Variants in PAK3 observed in about 807,000 individuals in gnomAD.
PAK3 encodes the protein p21 (RAC1) activated kinase 3.
PAK3 carries 4 observed loss-of-function variants against 41.0 expected under a neutral mutation model. That is an observed-to-expected ratio of 0.10 (90% CI 0.05 to 0.22). PAK3 has a LOEUF of 0.22. Among genes scored for constraint, PAK3 ranks in the 10% least tolerant of loss-of-function variants. PAK3 has a pLI of 1.00. For missense variants in PAK3, 205 were observed against 409.9 expected (o/e 0.50, Z 4.32); for synonymous variants, 146 against 139.6 (o/e 1.05, Z -0.32).
At chrX:111,004,535 G>A (rs958907616) in intron 1 of PAK3, among the ~76,000 whole-genome samples, 4 of 112,552 alleles carry the variant, frequency 3.6e-5, no homozygotes, top group African/African-American at 1.3e-4. Flanking sequence ...ACAATCCTTT[G>A]TTAGCTCGAG....
intron 1 of PAK3, among the ~76,000 whole-genome samples, chrX:111,002,998 C>T (rs1371490940): frequency 1.8e-5 from 2 of 111,930 alleles, no homozygotes; most frequent in African/African-American, 6.5e-5. Flanking sequence ...GGCTGGGGCC[C>T]TACAATGTGT....
At chrX:111,124,637 G>A (rs2093622946) in intron 5 of PAK3, among the ~76,000 whole-genome samples, 1 of 111,942 alleles carries the variant, frequency 8.9e-6, no homozygotes, top group Non-Finnish European at 1.9e-5. Context: ...GCCCACTGAT[G>A]CTGAGGTCAA....
In PAK3 at chrX:111,227,094, A is replaced by C. The variant is rs2094956914; in HGVS notation, c.*6647A>C. 8.9e-6 allele frequency: 1 copy of C among 112,434 alleles called. No homozygotes were observed. The highest frequency in any genetic ancestry group is 1.9e-5 in the Non-Finnish European group (1 of 53,325). The allele number at this position is 112,434 out of a possible 1,213,427, so 9.3% of individuals were successfully genotyped here. ...TAGTGAAATTCTTCTGTAACTTTGGATTAAAGGTATTTATGGTCTTTTTGT... is the reference window on the plus strand; with the variant it reads ...TAGTGAAATTCTTCTGTAACTTTGGCTTAAAGGTATTTATGGTCTTTTTGT... On this transcript the variant is annotated 3_prime_UTR_variant, in exon 18 of 18. Transcript: ENST00000372007.
intron 1 of PAK3, among the ~76,000 whole-genome samples, chrX:110,973,721 C>T (rs1397958451): frequency 8.9e-6 from 1 of 111,929 alleles, no homozygotes; most frequent in Non-Finnish European, 1.9e-5. Context: ...CCAATATTAA[C>T]CTTAAATGTA....
chrX:111,059,643 A>T lies in PAK3; in HGVS notation c.-27-63434A>T, dbSNP rs895168979. Among the ~76,000 whole-genome samples the T allele has an allele frequency of 4.5e-5, 5 of 111,569 alleles. No homozygotes were observed. In the Admixed American group the frequency reaches 4.8e-4, roughly 11 times the overall value. ...ACGTTTTATTGTTTTTTTTGTGTAC[A>T]ACTCTTGCACTCCTTTGCTTAAAGT... On this transcript the variant is annotated intron_variant, in intron 1 of 14. Transcript: ENST00000425146.
chrX:111,195,024 A>G (rs1250324398), intron 14 of PAK3, among the ~76,000 whole-genome samples: 2 of 111,843 alleles, frequency 1.8e-5, no homozygotes, highest in Non-Finnish European at 3.8e-5. Flanking sequence ...AAACACACAC[A>G]CTTTTTTACT....
intron 1 of PAK3, among the ~76,000 whole-genome samples, chrX:110,999,053 G>T (rs1285148261): frequency 3.6e-5 from 4 of 111,686 alleles, no homozygotes; most frequent in Admixed American, 2.9e-4. Context: ...CTGTTGGACT[G>T]TAAGAATCAG....
At chrX:111,060,052 T>C (rs1333654854) in intron 1 of PAK3, among the ~76,000 whole-genome samples, 1 of 111,727 alleles carries the variant, frequency 9.0e-6, no homozygotes, top group Admixed American at 9.5e-5. Flanking sequence ...TTAAGTATGA[T>C]GTTAGCTGTG....
chrX:111,187,950 CATAT>C (rs3066971), intron 11 of PAK3, among the ~76,000 whole-genome samples: 58 of 96,588 alleles, frequency 6.0e-4, no homozygotes, highest in Admixed American at 7.1e-4. Context: ...TAGGGAAATG[CATAT>C]ATATATATAT....
intron 11 of PAK3, among the ~76,000 whole-genome samples, chrX:111,180,524 A>C (rs751572304): frequency 8.9e-6 from 1 of 112,196 alleles, no homozygotes; most frequent in Non-Finnish European, 1.9e-5. Context: ...ATCACATGAA[A>C]GATTTTTATA....
At chrX:111,132,605 G>T (rs2093734738) in intron 5 of PAK3, among the ~76,000 whole-genome samples, 1 of 111,348 alleles carries the variant, frequency 9.0e-6, no homozygotes, top group Admixed American at 9.5e-5. Context: ...TATCTCAAAG[G>T]ACTTAATGGA....
At chrX:111,153,180 T>C (rs1279344590) in intron 8 of PAK3, among the ~76,000 whole-genome samples, 1 of 111,980 alleles carries the variant, frequency 8.9e-6, no homozygotes, top group Non-Finnish European at 1.9e-5. Flanking sequence ...ACTTAATCTT[T>C]CCTACAGCCC....
chrX:111,188,004 CGGGGA>C (rs1226978921), intron 11 of PAK3, among the ~76,000 whole-genome samples: 2 of 105,483 alleles, frequency 1.9e-5, no homozygotes, highest in African/African-American at 3.5e-5. Flanking sequence ...ATGGAGTAAG[CGGGGA>C]GGGGAGGGGA....
chrX:111,048,853 A>T (rs1400842091), intron 1 of PAK3, among the ~76,000 whole-genome samples: 1 of 112,418 alleles, frequency 8.9e-6, no homozygotes, highest in Non-Finnish European at 1.9e-5. Context: ...GCCTACAGTG[A>T]ATTCTTCACA....
chrX:111,145,440 A>G lies in PAK3; in HGVS notation c.277-2297A>G, dbSNP rs2239498. ...TATTCTAATGATTATGGTAATGATT[A>G]TGCCAGTAATGTCTGCTCTAGTGGT... On this transcript the variant is annotated intron_variant, in intron 6 of 17. Transcript: ENST00000372007. 8.0e-5 allele frequency among the ~76,000 whole-genome samples: 9 copies of G among 112,217 alleles called. No homozygotes were observed. The East Asian group carries it at 2.0e-3, about 24-fold the overall frequency.
chrX:110,986,639 T>G (rs933385328), intron 1 of PAK3, among the ~76,000 whole-genome samples: 5 of 111,609 alleles, frequency 4.5e-5, no homozygotes, highest in Non-Finnish European at 9.4e-5. Flanking sequence ...TTTATCAGAT[T>G]CTTAGAACCA....
intron 1 of PAK3, among the ~76,000 whole-genome samples, chrX:111,060,614 C>T (rs1441915463): frequency 1.8e-5 from 2 of 111,310 alleles, no homozygotes; most frequent in Non-Finnish European, 3.8e-5. Flanking sequence ...TTTATAATTT[C>T]TTCTTATGTC....
chrX:110,953,314 G>A (rs2090785249), intron 1 of PAK3, among the ~76,000 whole-genome samples: 1 of 111,640 alleles, frequency 9.0e-6, no homozygotes, highest in African/African-American at 3.3e-5. Context: ...GTGTGACCCT[G>A]AACTAGAGCT....
intron 1 of PAK3, among the ~76,000 whole-genome samples, chrX:111,066,981 G>A (rs188545504): frequency 8.9e-6 from 1 of 111,779 alleles, no homozygotes; most frequent in African/African-American, 3.2e-5. Context: ...TTGATGATGT[G>A]TAGGAAAGGT....
Sources: allele counts gnomAD v4.1 joint callset (sites outside exome capture counted in the v4.1 genomes callset), GRCh38; gene constraint gnomAD v4.1.1; transcripts MANE v1.5; gene names NCBI Gene and HGNC (gene_info 2026-07-23, HGNC 2026-07-21).